FAM171A1: variants seen among roughly 807,000 people sequenced by gnomAD.
FAM171A1 encodes protein FAM171A1.
Under a neutral mutation model 74.9 loss-of-function variants are expected in FAM171A1, and 23 were observed. The observed-to-expected ratio is 0.31, with a 90% CI of 0.22 to 0.44. The LOEUF is 0.44. Ranked by LOEUF, FAM171A1 falls within the 20% of genes least tolerant of loss-of-function variation. The pLI, the probability that FAM171A1 is intolerant of heterozygous loss-of-function variation, is 1.00. For missense variants in FAM171A1, 1,162 were observed against 1,159.2 expected (o/e 1.00, Z -0.03); for synonymous variants, 527 against 505.7 (o/e 1.04, Z -0.57).
chr10:15,319,100 T>C (rs1835455901), intron 1 of FAM171A1, among the ~76,000 whole-genome samples: 1 of 152,202 alleles, frequency 6.6e-6, no homozygotes. Context: ...GTGACACGTC[T>C]GGAGGGATAA....
chr10:15,342,583 C>T (rs755447941), intron 1 of FAM171A1, among the ~76,000 whole-genome samples: 1 of 151,932 alleles, frequency 6.6e-6, no homozygotes, highest in Non-Finnish European at 1.5e-5. Context: ...GAGGCTCTGT[C>T]TCAAAAAAAC....
intron 4 of FAM171A1, among the ~76,000 whole-genome samples, chr10:15,252,318 C>T (rs1834520078): frequency 6.6e-6 from 1 of 152,174 alleles, no homozygotes; most frequent in Non-Finnish European, 1.5e-5. Flanking sequence ...AGAAAACAGC[C>T]TTTCGGAGCC....
At chr10:15,281,005 T>C (rs552767994) in intron 2 of FAM171A1, among the ~76,000 whole-genome samples, 69 of 152,326 alleles carry the variant, frequency 4.5e-4, no homozygotes, top group Non-Finnish European at 7.3e-4. Context: ...TGGGAGGTGA[T>C]TGGATCACGG....
chr10:15,345,320 C>T (rs1258782615), intron 1 of FAM171A1, among the ~76,000 whole-genome samples: 1 of 152,202 alleles, frequency 6.6e-6, no homozygotes, highest in Non-Finnish European at 1.5e-5. Flanking sequence ...TGTCCGGACC[C>T]TCAGTGCCTA....
rs146863769 is a variant in FAM171A1, at chr10:15,351,485, T to C, written c.97+19471A>G. Among the ~76,000 whole-genome samples the C allele has an allele frequency of 1.2e-4, 19 of 152,296 alleles. No individual in the cohort carries two copies. In the East Asian group the frequency reaches 3.5e-3, roughly 28 times the overall value. On this transcript the variant is annotated intron_variant, in intron 1 of 7. Coordinates refer to ENST00000378116, the MANE Select transcript of FAM171A1 (RefSeq NM_001010924.2). ...TGAGGAACAAAATAGAGAATGGATC[T>C]GAAAGCACTTGAAAATCTATAAACG...
At chr10:15,275,742 T>C (rs1041049820) in intron 3 of FAM171A1, 113 bp downstream of exon 3, 4 of 631,222 alleles carry the variant, frequency 6.3e-6, no homozygotes, top group African/African-American at 1.8e-5. Context: ...ATGTGTTTGA[T>C]TTAATCAATC....
chr10:15,313,250 C>A (rs968432747), intron 1 of FAM171A1, among the ~76,000 whole-genome samples: 7 of 152,232 alleles, frequency 4.6e-5, no homozygotes, highest in Non-Finnish European at 1.0e-4. Flanking sequence ...CAGGACCCAG[C>A]AGCCTCAGGA....
chr10:15,286,747 T>A (rs748657987), intron 1 of FAM171A1, among the ~76,000 whole-genome samples: 2 of 152,200 alleles, frequency 1.3e-5, no homozygotes, highest in African/African-American at 2.4e-5. Flanking sequence ...TAGTCAATCA[T>A]CTTTCACCCA....
At chr10:15,271,009 G>A (rs1263739725) in intron 3 of FAM171A1, among the ~76,000 whole-genome samples, 1 of 152,182 alleles carries the variant, frequency 6.6e-6, no homozygotes, top group African/African-American at 2.4e-5. Context: ...GCCAGCAATG[G>A]AACAAAGCTG....
chr10:15,288,020 G>GT (rs1835058827), intron 1 of FAM171A1, among the ~76,000 whole-genome samples: 2 of 152,114 alleles, frequency 1.3e-5, no homozygotes, highest in South Asian at 4.2e-4. Flanking sequence ...ACGATGTTTG[G>GT]TTTTCCATTC....
chr10:15,273,879 G>A (rs899171089), intron 3 of FAM171A1, among the ~76,000 whole-genome samples: 2 of 152,134 alleles, frequency 1.3e-5, no homozygotes, highest in East Asian at 1.9e-4. Context: ...TTGATGGGAT[G>A]TATCTCAAAA....
At chr10:15,349,087 T>G (rs1835850090) in intron 1 of FAM171A1, among the ~76,000 whole-genome samples, 1 of 152,234 alleles carries the variant, frequency 6.6e-6, no homozygotes, top group African/African-American at 2.4e-5. Flanking sequence ...TTTTTTCTTT[T>G]TTCACAACAG....
At chr10:15,309,260 G>A (rs1360462047) in intron 1 of FAM171A1, among the ~76,000 whole-genome samples, 5 of 152,206 alleles carry the variant, frequency 3.3e-5, no homozygotes, top group Non-Finnish European at 7.3e-5. Flanking sequence ...CCAGGCTGGA[G>A]TGCAGGGGCA....
intron 2 of FAM171A1, among the ~76,000 whole-genome samples, chr10:15,279,230 C>T (rs1490117653): frequency 2.6e-5 from 4 of 152,214 alleles, no homozygotes; most frequent in African/African-American, 9.7e-5. Flanking sequence ...TATAAGGCAG[C>T]TGCTCTGGCA....
intron 5 of FAM171A1, among the ~76,000 whole-genome samples, chr10:15,233,639 C>CA (rs1834239761): frequency 6.6e-6 from 1 of 151,984 alleles, no homozygotes; most frequent in South Asian, 2.1e-4. Context: ...TGTGGTGGCT[C>CA]ACGCCTGTAA....
intron 4 of FAM171A1, 105 bp from the exon 5 acceptor site, chr10:15,248,920 C>T: frequency 9.5e-7 from 1 of 1,051,358 alleles, no homozygotes; most frequent in Non-Finnish European, 1.3e-6. Flanking sequence ...CTCCTATATG[C>T]CAGGGACTGC....
At chr10:15,360,098 A>T (rs1554757872) in intron 1 of FAM171A1, among the ~76,000 whole-genome samples, 2 of 151,940 alleles carry the variant, frequency 1.3e-5, no homozygotes, top group Non-Finnish European at 2.9e-5. Flanking sequence ...TGCCTGGCTA[A>T]TTTTTTTTAT....
rs973347580 is a variant in FAM171A1, at chr10:15,346,243, G to A, written c.97+24713C>T. 2.6e-5 allele frequency among the ~76,000 whole-genome samples: 4 copies of A among 152,234 alleles called. 1 individual carries two copies. In the South Asian group the frequency reaches 8.3e-4, roughly 32 times the overall value. ...CCCAAGGAGTTGGGACTACTGGTGCGCATCACCATGCCTGGTTAATTTATT... is the reference window on the plus strand; with the variant it reads ...CCCAAGGAGTTGGGACTACTGGTGCACATCACCATGCCTGGTTAATTTATT... On this transcript the variant is annotated intron_variant, in intron 1 of 7. Coordinates refer to ENST00000378116, the MANE Select transcript of FAM171A1 (RefSeq NM_001010924.2).
At chr10:15,368,822 G>A (rs1836097578) in intron 1 of FAM171A1, among the ~76,000 whole-genome samples, 1 of 152,212 alleles carries the variant, frequency 6.6e-6, no homozygotes, top group South Asian at 2.1e-4. Context: ...ACATTAAGAT[G>A]CTTTGAAGAA....
Sources: allele counts gnomAD v4.1 joint callset (sites outside exome capture counted in the v4.1 genomes callset), GRCh38; gene constraint gnomAD v4.1.1; transcripts MANE v1.5; gene names NCBI Gene and HGNC (gene_info 2026-07-23, HGNC 2026-07-21).